The following PPP1R1C variants were observed in gnomAD, a reference collection of about 807,000 sequenced individuals.
The protein encoded by PPP1R1C is protein phosphatase 1 regulatory inhibitor subunit 1C.
Under a neutral mutation model 17.4 loss-of-function variants are expected in PPP1R1C, and 15 were observed. That is an observed-to-expected ratio of 0.86 (90% CI 0.58 to 1.33). The LOEUF (loss-of-function observed/expected upper bound fraction) is 1.33. Among genes scored for constraint, PPP1R1C ranks in the 40% most tolerant of loss-of-function variants. The probability of loss-of-function intolerance (pLI) is 0.00; values close to 1 mark genes in which losing one functional copy is unlikely to be tolerated. For synonymous variants in PPP1R1C, 35 were observed against 43.1 expected (o/e 0.81, Z 0.73); for missense variants, 143 against 130.0 (o/e 1.10, Z -0.48).
intron 4 of PPP1R1C, among the ~76,000 whole-genome samples, chr2:182,093,550 T>G (rs1688848473): frequency 6.6e-6 from 1 of 152,186 alleles, no homozygotes; most frequent in African/African-American, 2.4e-5. Flanking sequence ...AGACTGCAAA[T>G]TTTCCAAACA....
chr2:182,095,141 A>AC (rs374530219), intron 4 of PPP1R1C, among the ~76,000 whole-genome samples: 2,349 of 151,884 alleles, frequency 0.015, 29 homozygotes, highest in African/African-American at 0.034. Flanking sequence ...ATACAAAAAA[A>AC]AGAAAAAATC....
chr2:181,988,841 C>T (rs1444248235), intron 2 of PPP1R1C, among the ~76,000 whole-genome samples: 1 of 151,854 alleles, frequency 6.6e-6, no homozygotes, highest in African/African-American at 2.4e-5. Context: ...ATCATTTAGC[C>T]CAAATCCAAG....
downstream of PPP1R1C, among the ~76,000 whole-genome samples, chr2:182,118,228 A>G (rs1689642853): frequency 6.6e-6 from 1 of 152,202 alleles, no homozygotes. Context: ...TAGAAATAAA[A>G]GAAAGATACT....
chr2:182,049,506 G>T (rs577554391), intron 2 of PPP1R1C, among the ~76,000 whole-genome samples: 1 of 152,096 alleles, frequency 6.6e-6, no homozygotes, highest in South Asian at 2.1e-4. Flanking sequence ...GTCCCAGTTT[G>T]CAGCCTTGGC....
intron 4 of PPP1R1C, among the ~76,000 whole-genome samples, chr2:182,082,207 C>T (rs1476731277): frequency 6.6e-6 from 1 of 152,042 alleles, no homozygotes; most frequent in South Asian, 2.1e-4. Context: ...AGAATAGAAA[C>T]AAACTCATAA....
intron 1 of PPP1R1C, among the ~76,000 whole-genome samples, chr2:181,955,532 C>T (rs74887449): frequency 0.037 from 5,671 of 152,294 alleles, 137 homozygotes; most frequent in South Asian, 0.1. Context: ...TGTTCCATTA[C>T]AGTCTGTGAG....
chr2:181,970,425 A>G (rs1684985780), intron 1 of PPP1R1C, among the ~76,000 whole-genome samples: 1 of 152,178 alleles, frequency 6.6e-6, no homozygotes, highest in South Asian at 2.1e-4. Flanking sequence ...GTCTTGGATA[A>G]GATCTTGAAG....
intron 4 of PPP1R1C, among the ~76,000 whole-genome samples, chr2:182,079,604 A>G (rs762555247): frequency 6.6e-6 from 1 of 152,172 alleles, no homozygotes; most frequent in Non-Finnish European, 1.5e-5. Flanking sequence ...TGGAGGTAAT[A>G]AAAGTGTGCA....
At chr2:182,110,450 T>A (rs1036693545) in intron 4 of PPP1R1C, among the ~76,000 whole-genome samples, 1 of 152,184 alleles carries the variant, frequency 6.6e-6, no homozygotes, top group African/African-American at 2.4e-5. Flanking sequence ...TCTGTTGCTA[T>A]CAGAGGTTTT....
chr2:182,080,703 G>T (rs1688449949), intron 4 of PPP1R1C, among the ~76,000 whole-genome samples: 1 of 147,174 alleles, frequency 6.8e-6, no homozygotes, highest in South Asian at 2.2e-4. Flanking sequence ...ACTCATTGCA[G>T]AAAAGGAGAA....
In PPP1R1C at chr2:182,063,902, T is replaced by C. The variant is rs189443538; in HGVS notation, c.241+111T>C. On this transcript the variant is annotated intron_variant, in intron 4 of 4. Coordinates refer to ENST00000682840, the MANE Select transcript of PPP1R1C (RefSeq NM_001080545.3). ...GATAAGCTAGATCTAGTCTCAGCTC[T>C]ACAACTTAACAGTGTTATGTTCAGT... 9.6e-5 allele frequency: 80 copies of C among 836,996 alleles called. No individual in the cohort carries two copies. The African/African-American group carries it at 1.2e-3, about 12-fold the overall frequency. 51.8% of individuals were successfully genotyped at this position (836,996 alleles called of 1,614,324 possible).
At chr2:182,108,927 G>T (rs1213604508) in intron 4 of PPP1R1C, among the ~76,000 whole-genome samples, 1 of 152,128 alleles carries the variant, frequency 6.6e-6, no homozygotes, top group Non-Finnish European at 1.5e-5. Context: ...ACTTTTGTAG[G>T]AAATTGCCAA....
At chr2:182,108,801 G>A (rs539087978) in intron 4 of PPP1R1C, among the ~76,000 whole-genome samples, 2 of 152,062 alleles carry the variant, frequency 1.3e-5, no homozygotes, top group East Asian at 3.8e-4. Context: ...CCAAGGTTTT[G>A]CAGTTATTAA....
At chr2:182,019,109 A>G (rs1218075734) in intron 2 of PPP1R1C, among the ~76,000 whole-genome samples, 1 of 152,214 alleles carries the variant, frequency 6.6e-6, no homozygotes, top group African/African-American at 2.4e-5. Context: ...ATTCTTATAC[A>G]CAACAACTCA....
chr2:182,076,598 A>T (rs563882930), intron 4 of PPP1R1C, among the ~76,000 whole-genome samples: 2 of 151,998 alleles, frequency 1.3e-5, no homozygotes, highest in African/African-American at 4.8e-5. Context: ...AATGAAGTCA[A>T]TCAGAACCCC....
At chr2:182,019,662 G>A (rs567208243) in intron 2 of PPP1R1C, among the ~76,000 whole-genome samples, 2 of 152,242 alleles carry the variant, frequency 1.3e-5, no homozygotes, top group South Asian at 2.1e-4. Context: ...GGGAGGTTAA[G>A]TAATGAGCCT....
intron 1 of PPP1R1C, among the ~76,000 whole-genome samples, chr2:181,986,585 T>C (rs1360016802): frequency 1.3e-5 from 2 of 152,220 alleles, no homozygotes; most frequent in Non-Finnish European, 2.9e-5. Flanking sequence ...AGCAATAAAA[T>C]CATTAAATCC....
At chr2:181,966,386 C>G (rs1012683151) in intron 1 of PPP1R1C, among the ~76,000 whole-genome samples, 1 of 152,122 alleles carries the variant, frequency 6.6e-6, no homozygotes, top group Non-Finnish European at 1.5e-5. Flanking sequence ...TGTTCCAAAT[C>G]TTAGAGGAAA....
intron 4 of PPP1R1C, among the ~76,000 whole-genome samples, chr2:182,102,315 T>C (rs1048316260): frequency 1.4e-4 from 21 of 152,226 alleles, no homozygotes; most frequent in South Asian, 6.2e-4. Flanking sequence ...GCCTTTCTAG[T>C]AACTTTTGTG....
Sources: allele counts gnomAD v4.1 joint callset (sites outside exome capture counted in the v4.1 genomes callset), GRCh38; gene constraint gnomAD v4.1.1; transcripts MANE v1.5; gene names NCBI Gene and HGNC (gene_info 2026-07-23, HGNC 2026-07-21).